The following PLCB1 variants were observed in gnomAD, a reference collection of about 807,000 sequenced individuals.
PLCB1 encodes phospholipase C beta 1.
Under a neutral mutation model 161.8 loss-of-function variants are expected in PLCB1, and 46 were observed. That is an observed-to-expected ratio of 0.28 (90% CI 0.22 to 0.36). The LOEUF is 0.36. Ranked by LOEUF, PLCB1 falls within the 10% of genes least tolerant of loss-of-function variation. PLCB1 has a pLI of 1.00. For synonymous variants in PLCB1, 517 were observed against 503.7 expected (o/e 1.03, Z -0.35); for missense variants, 1,016 against 1,472.5 (o/e 0.69, Z 5.07).
At position 8,747,373 on chromosome 20, in the gene PLCB1, C is replaced by G. The variant is rs553859669; in HGVS notation, c.2523+5800C>G. On this transcript the variant is annotated intron_variant, in intron 23 of 31. Transcript: ENST00000338037. ...TACTTGGGAAAGTTGTCCTCTAAGA[C>G]AGAGTACCTGAAACTACAAATCTTA... Among the ~76,000 whole-genome samples, 3 of 152,314 alleles carry G rather than the reference C, an allele frequency of 2.0e-5. No individual in the cohort carries two copies. In the South Asian group the frequency reaches 6.2e-4, roughly 32 times the overall value.
chr20:8,332,067 G>GACTCT (rs1321677148), intron 2 of PLCB1, among the ~76,000 whole-genome samples: 7 of 152,320 alleles, frequency 4.6e-5, no homozygotes, highest in Admixed American at 4.6e-4. Context: ...GTTCTTAAGA[G>GACTCT]ACTCTAGAAT....
At chr20:8,600,194 C>T (rs1232127863) in intron 3 of PLCB1, among the ~76,000 whole-genome samples, 2 of 133,976 alleles carry the variant, frequency 1.5e-5, no homozygotes, top group Admixed American at 7.4e-5. Flanking sequence ...TAGAGTTTCC[C>T]GTTTTTCTGT....
intron 4 of PLCB1, among the ~76,000 whole-genome samples, chr20:8,630,969 C>T (rs1988568012): frequency 6.6e-6 from 1 of 152,100 alleles, no homozygotes; most frequent in African/African-American, 2.4e-5. Context: ...AGAGATTTTC[C>T]CAGGGGCTAC....
At chr20:8,871,581 C>T (rs546510819) in intron 31 of PLCB1, among the ~76,000 whole-genome samples, 17 of 152,162 alleles carry the variant, frequency 1.1e-4, no homozygotes, top group East Asian at 5.8e-4. Context: ...TCACCTAGGA[C>T]GGATTCTAAT....
intron 2 of PLCB1, among the ~76,000 whole-genome samples, chr20:8,190,811 G>C (rs6055623): frequency 0.018 from 2,756 of 152,164 alleles, 103 homozygotes; most frequent in African/African-American, 0.063. Flanking sequence ...TTTGTTACTG[G>C]TGCAGTTCAC....
At chr20:8,146,105 G>T (rs75206029) in intron 1 of PLCB1, among the ~76,000 whole-genome samples, 224 of 141,596 alleles carry the variant, frequency 1.6e-3, no homozygotes, top group Non-Finnish European at 2.2e-3. Flanking sequence ...TGTTTTTTTT[G>T]TTTTTTTTTT....
chr20:8,843,187 G>T (rs551675576), intron 31 of PLCB1, among the ~76,000 whole-genome samples: 110 of 152,204 alleles, frequency 7.2e-4, no homozygotes, highest in Admixed American at 1.4e-3. Context: ...ACAAAATCTG[G>T]GTTGAAAATG....
At chr20:8,227,728 A>G (rs897261405) in intron 2 of PLCB1, among the ~76,000 whole-genome samples, 1 of 152,192 alleles carries the variant, frequency 6.6e-6, no homozygotes, top group Non-Finnish European at 1.5e-5. Flanking sequence ...TAGGACTCAA[A>G]TGAAACAAAT....
chr20:8,726,454 G>T (rs915424080), intron 16 of PLCB1, among the ~76,000 whole-genome samples: 55 of 152,212 alleles, frequency 3.6e-4, no homozygotes, highest in African/African-American at 1.2e-3. Flanking sequence ...GTAAAGAAAA[G>T]AGGTTTAGTT....
intron 15 of PLCB1, among the ~76,000 whole-genome samples, chr20:8,722,640 G>A (rs980175513): frequency 2.0e-5 from 3 of 152,152 alleles, no homozygotes; most frequent in Admixed American, 6.6e-5. Context: ...GACATTCATT[G>A]CATTGTTTTA....
chr20:8,295,021 A>G (rs1600293512), intron 2 of PLCB1, among the ~76,000 whole-genome samples: 1 of 152,300 alleles, frequency 6.6e-6, no homozygotes, highest in East Asian at 1.9e-4. Flanking sequence ...AATGCAAAAG[A>G]CTACGTGCAG....
intron 3 of PLCB1, among the ~76,000 whole-genome samples, chr20:8,479,781 C>T (rs566461293): frequency 7.9e-4 from 120 of 152,316 alleles, no homozygotes; most frequent in Non-Finnish European, 1.2e-3. Flanking sequence ...CCTTCTCTTG[C>T]ATTTCTGCCC....
intron 3 of PLCB1, among the ~76,000 whole-genome samples, chr20:8,402,722 G>A (rs1164633013): frequency 2.0e-5 from 3 of 151,494 alleles, no homozygotes; most frequent in African/African-American, 7.3e-5. Flanking sequence ...GTGGGCGCCT[G>A]TAGTCCTAGC....
intron 2 of PLCB1, among the ~76,000 whole-genome samples, chr20:8,223,356 T>A (rs1014868413): frequency 1.3e-5 from 2 of 152,170 alleles, no homozygotes; most frequent in Admixed American, 1.3e-4. Flanking sequence ...TCACATTGGA[T>A]AATACCCTGC....
chr20:8,277,670 C>G (rs888160217), intron 2 of PLCB1, among the ~76,000 whole-genome samples: 1 of 152,076 alleles, frequency 6.6e-6, no homozygotes, highest in Non-Finnish European at 1.5e-5. Flanking sequence ...TTTAATATTA[C>G]AGAACTAATA....
intron 3 of PLCB1, among the ~76,000 whole-genome samples, chr20:8,404,054 G>A (rs975036113): frequency 7.1e-6 from 1 of 141,454 alleles, no homozygotes; most frequent in Non-Finnish European, 1.5e-5. Flanking sequence ...GACAGAAATT[G>A]TGGCTTTTAT....
rs74640153 is a variant in PLCB1, at chr20:8,479,551, G to A, written c.246+108101G>A. 2.2e-3 allele frequency among the ~76,000 whole-genome samples: 336 copies of A among 152,250 alleles called. 1 individual carries two copies. The highest frequency in any genetic ancestry group is 7.1e-3 in the African/African-American group (294 of 41,538). ...ACAGAGTCACAATTCTTAATAGACC[G>A]CAGGCTCCTTTACAACTTAGCCATC... On this transcript the variant is annotated intron_variant, in intron 3 of 31. Transcript: ENST00000338037.
At chr20:8,844,496 T>C (rs1445753154) in intron 31 of PLCB1, among the ~76,000 whole-genome samples, 1 of 151,986 alleles carries the variant, frequency 6.6e-6, no homozygotes, top group Admixed American at 6.6e-5. Flanking sequence ...GCCAGGAGGA[T>C]CACTTTAGTC....
intron 3 of PLCB1, among the ~76,000 whole-genome samples, chr20:8,618,480 C>T (rs1988090531): frequency 6.6e-6 from 1 of 151,686 alleles, no homozygotes. Flanking sequence ...CTGAGCAACA[C>T]AGTGAGACCC....
Sources: gnomAD v4.1 joint callset for allele counts (sites outside exome capture counted in the v4.1 genomes callset) on GRCh38, gnomAD v4.1.1 for gene constraint, MANE v1.5 for transcripts, NCBI Gene and HGNC (gene_info 2026-07-23, HGNC 2026-07-21) for gene names.